Variants in PLCH1 observed in about 807,000 individuals in gnomAD.
PLCH1 encodes the protein phospholipase C eta 1, also known as 1-phosphatidylinositol 4,5-bisphosphate phosphodiesterase eta-1.
A neutral mutation model predicts 126.7 loss-of-function variants in PLCH1; 60 were observed. The observed-to-expected ratio is 0.47, with a 90% CI of 0.38 to 0.59. The LOEUF is 0.59. Among genes scored for constraint, PLCH1 ranks in the 20% least tolerant of loss-of-function variants. The pLI is 0.00. For missense variants in PLCH1, 1,723 were observed against 2,040.0 expected (o/e 0.84, Z 2.99); for synonymous variants, 719 against 734.9 (o/e 0.98, Z 0.35).
chr3:155,573,538 G>A (rs1456340819), intron 6 of PLCH1, among the ~76,000 whole-genome samples: 2 of 152,148 alleles, frequency 1.3e-5, no homozygotes, highest in African/African-American at 2.4e-5. Flanking sequence ...CATGTCTGTG[G>A]TTGGTGCTGG....
intron 2 of PLCH1, among the ~76,000 whole-genome samples, chr3:155,639,022 AT>A (rs1283414788): frequency 7.9e-5 from 12 of 152,248 alleles, no homozygotes. Flanking sequence ...ATTATATTAT[AT>A]TCCATGCATC....
downstream of PLCH1, among the ~76,000 whole-genome samples, chr3:155,479,543 G>A (rs1425822279): frequency 2.0e-5 from 3 of 151,818 alleles, no homozygotes; most frequent in South Asian, 2.1e-4. Context: ...CCTTCCCCAC[G>A]TAGCTCCCCC....
chr3:155,485,887 T>C, intron 21 of PLCH1, 177 bp from the exon 22 acceptor site: 1 of 602,390 alleles, frequency 1.7e-6, no homozygotes, highest in Non-Finnish European at 2.9e-6. Flanking sequence ...CATGCACATC[T>C]TATCAACCTT....
chr3:155,549,724 T>C, intron 10 of PLCH1, 63 bp downstream of exon 10: 1 of 1,176,614 alleles, frequency 8.5e-7, no homozygotes, highest in South Asian at 1.4e-5. Flanking sequence ...ATTTTTATTC[T>C]TTAAGGGAGG....
intron 13 of PLCH1, among the ~76,000 whole-genome samples, chr3:155,502,398 C>A (rs188868796): frequency 6.6e-6 from 1 of 152,152 alleles, no homozygotes; most frequent in African/African-American, 2.4e-5. Flanking sequence ...TAATGGACAA[C>A]AATTTATTCT....
In PLCH1 at chr3:155,524,570, T is replaced by G. The variant is rs1307762506; in HGVS notation, c.1363-566A>C. On this transcript the variant is annotated intron_variant, in intron 10 of 22. Transcript: ENST00000460012. ...CATTAAGCTAATCATTACTTCAGAC[T>G]GACTAGAAAGCAGACAGTCTGAATT... 2.0e-5 allele frequency among the ~76,000 whole-genome samples: 3 copies of G among 152,214 alleles called. No homozygotes were observed. In the East Asian group the frequency reaches 5.8e-4, roughly 29 times the overall value.
intron 16 of PLCH1, 39 bp downstream of exon 16, chr3:155,494,299 G>T: frequency 6.2e-7 from 1 of 1,611,042 alleles, no homozygotes; most frequent in Non-Finnish European, 8.5e-7. Flanking sequence ...GGCATAGTGA[G>T]AATATACAGA....
intron 2 of PLCH1, among the ~76,000 whole-genome samples, chr3:155,650,898 C>T (rs1004404274): frequency 3.3e-5 from 5 of 152,116 alleles, no homozygotes; most frequent in African/African-American, 1.2e-4. Flanking sequence ...ATTAGCCATG[C>T]ATGGTGGCAG....
intron 21 of PLCH1, among the ~76,000 whole-genome samples, chr3:155,469,829 ACGG>A (rs1323072784): frequency 1.3e-4 from 20 of 152,184 alleles, no homozygotes; most frequent in Admixed American, 1.2e-3. Context: ...GACACCTCAC[ACGG>A]CAGGGTATTC....
intron 4 of PLCH1, among the ~76,000 whole-genome samples, chr3:155,587,998 C>T (rs1391503642): frequency 6.6e-6 from 1 of 151,954 alleles, no homozygotes; most frequent in Non-Finnish European, 1.5e-5. Context: ...TTTTAAAAAC[C>T]AAGAAATGGG....
chr3:155,715,479 AT>A (rs144719296), intron 1 of PLCH1, among the ~76,000 whole-genome samples: 21 of 151,494 alleles, frequency 1.4e-4, no homozygotes, highest in Admixed American at 4.6e-4. Flanking sequence ...TAATTTTTGT[AT>A]TTTTTGTAGA....
chr3:155,704,437 C>T (rs1283693211), intron 1 of PLCH1, among the ~76,000 whole-genome samples, 173 bp from the exon 2 acceptor site: 3 of 152,150 alleles, frequency 2.0e-5, no homozygotes, highest in Non-Finnish European at 2.9e-5. Flanking sequence ...CACAAGTCTT[C>T]CCAGGGTCTA....
intron 10 of PLCH1, among the ~76,000 whole-genome samples, chr3:155,530,409 C>T (rs559251660): frequency 2.1e-4 from 32 of 151,858 alleles, no homozygotes; most frequent in Middle Eastern, 6.8e-3. Flanking sequence ...CTCCGCCTCC[C>T]GGGTTCACAC....
chr3:155,705,357 T>C (rs1483117584), intron 1 of PLCH1, among the ~76,000 whole-genome samples: 2 of 152,168 alleles, frequency 1.3e-5, no homozygotes, highest in Non-Finnish European at 2.9e-5. Context: ...AATTCCTGCC[T>C]ATCCTGCCTT....
At chr3:155,562,637 T>C (rs1356011882) in intron 8 of PLCH1, among the ~76,000 whole-genome samples, 2 of 152,218 alleles carry the variant, frequency 1.3e-5, no homozygotes, top group South Asian at 2.1e-4. Context: ...TGGGCTTCCC[T>C]GACTTACCTT....
At chr3:155,677,298 C>T (rs1744171719) in intron 2 of PLCH1, among the ~76,000 whole-genome samples, 1 of 152,206 alleles carries the variant, frequency 6.6e-6, no homozygotes, top group Admixed American at 6.5e-5. Flanking sequence ...TTCCAAGGTG[C>T]CAAGCTCTAT....
chr3:155,455,917 T>C (rs1299968197), intron 21 of PLCH1, among the ~76,000 whole-genome samples: 1 of 152,172 alleles, frequency 6.6e-6, no homozygotes, highest in Non-Finnish European at 1.5e-5. Flanking sequence ...GCCCTAATAA[T>C]GAGGGTGACA....
intron 10 of PLCH1, among the ~76,000 whole-genome samples, chr3:155,536,465 C>T (rs764138886): frequency 2.0e-4 from 30 of 151,990 alleles, no homozygotes; most frequent in Non-Finnish European, 3.1e-4. Context: ...GAGAAATAGA[C>T]GGCATCAATA....
downstream of PLCH1, among the ~76,000 whole-genome samples, chr3:155,475,350 G>T (rs550410814): frequency 6.6e-6 from 1 of 151,890 alleles, no homozygotes; most frequent in African/African-American, 2.4e-5. Flanking sequence ...AGAGCTATAA[G>T]TGCCTACATT....
Sources: gnomAD v4.1 joint callset for allele counts (sites outside exome capture counted in the v4.1 genomes callset) on GRCh38, gnomAD v4.1.1 for gene constraint, MANE v1.5 for transcripts, NCBI Gene and HGNC (gene_info 2026-07-23, HGNC 2026-07-21) for gene names.